Variants in CNTN6 observed in about 807,000 individuals in gnomAD.
CNTN6 encodes contactin 6.
CNTN6 carries 137 observed loss-of-function variants against 122.8 expected under a neutral mutation model. The observed-to-expected ratio is 1.12, with a 90% CI of 0.97 to 1.29. The LOEUF is 1.29. Among genes scored for constraint, CNTN6 ranks in the 50% most tolerant of loss-of-function variants. The probability of loss-of-function intolerance (pLI) is 0.00; values close to 1 mark genes in which losing one functional copy is unlikely to be tolerated. For missense variants in CNTN6, 1,634 were observed against 1,223.4 expected (o/e 1.34, Z -5.01); for synonymous variants, 570 against 426.0 (o/e 1.34, Z -4.16).
intron 1 of CNTN6, among the ~76,000 whole-genome samples, chr3:1,132,373 C>G (rs1338919469): frequency 6.6e-6 from 1 of 152,010 alleles, no homozygotes; most frequent in Non-Finnish European, 1.5e-5. Context: ...AAAGACACAC[C>G]TACTCTGGTG....
At chr3:1,390,580 T>C (rs1441198792) in intron 20 of CNTN6, among the ~76,000 whole-genome samples, 4 of 151,652 alleles carry the variant, frequency 2.6e-5, no homozygotes, top group Non-Finnish European at 5.9e-5. Context: ...CTGAAGGAAA[T>C]AGAGACACAA....
Position 1,402,339 on chromosome 3 carries a change from C to G in CNTN6, c.2839C>G (p.Gln947Glu), listed in dbSNP as rs1233057839. 2.5e-6 allele frequency: 4 copies of G among 1,608,354 alleles called. No homozygotes were observed. Among genetic ancestry groups the G allele is most frequent in the African/African-American group, 1.3e-5 (1 of 74,712 alleles). ...TCAGATTCTGTACCGGCAAAACAGA[C>G]AGAGTAAAACTCATATTTTGGAAAC... ...GYKILYRQNRQSKTHILETNN... is the reference protein window; with the variant it reads ...GYKILYRQNRESKTHILETNN... The change falls in exon 22 of 23, where the codon CAG becomes GAG. Residue 947 changes from glutamine to glutamate, a missense_variant. By Grantham distance (29) the Gln-to-Glu change is conservative. Transcript: ENST00000446702.
At chr3:1,193,625 T>C (rs2093733507) in intron 2 of CNTN6, among the ~76,000 whole-genome samples, 1 of 152,138 alleles carries the variant, frequency 6.6e-6, no homozygotes, top group Admixed American at 6.6e-5. Flanking sequence ...ACTGTTTCTC[T>C]GGGCCTCCAT....
At chr3:1,354,530 A>G (rs1319473643) in intron 12 of CNTN6, among the ~76,000 whole-genome samples, 2 of 151,486 alleles carry the variant, frequency 1.3e-5, no homozygotes, top group Non-Finnish European at 3.0e-5. Context: ...TACGAACTGT[A>G]TAACTGACTT....
chr3:1,372,066 CTA>C (rs150212501), intron 12 of CNTN6, among the ~76,000 whole-genome samples: 94 of 152,112 alleles, frequency 6.2e-4, no homozygotes, highest in African/African-American at 2.2e-3. Context: ...TTTCTGTAAA[CTA>C]TTTTCATATA....
intron 11 of CNTN6, among the ~76,000 whole-genome samples, chr3:1,351,681 T>A (rs1705663101): frequency 1.3e-5 from 2 of 151,808 alleles, no homozygotes; most frequent in Non-Finnish European, 2.9e-5. Context: ...CTTTTTGTAC[T>A]CTCTCTTTTA....
chr3:1,373,699 A>G lies in CNTN6; in HGVS notation c.1882A>G (p.Ile628Val), dbSNP rs753639393. Residue 628 changes from isoleucine (I) to valine (V), a missense_variant, in exon 15 of 23, where the codon ATT (isoleucine) becomes GTT (valine). By Grantham distance (29) the Ile-to-Val change is conservative. Transcript: ENST00000446702. ...WRAGPDNNSP[I>V]QIFTIQTRTP... is the part of the protein sequence containing the mutation. ...AGCAGGCCCAGATAATAACAGTCCC[A>G]TTCAAATATTTACTATTCAGACTCG... The G allele has an allele frequency of 1.9e-6, 3 of 1,613,138 alleles. No individual in the cohort carries two copies. The highest frequency in any genetic ancestry group is 2.5e-6 in the Non-Finnish European group (3 of 1,179,354).
At chr3:1,117,960 G>A (rs905113643) in intron 1 of CNTN6, among the ~76,000 whole-genome samples, 1 of 151,968 alleles carries the variant, frequency 6.6e-6, no homozygotes, top group Non-Finnish European at 1.5e-5. Flanking sequence ...TCCCTTCCCT[G>A]TCTCACTTTC....
intron 13 of CNTN6, 122 bp downstream of exon 13, chr3:1,372,596 G>T: frequency 1.1e-6 from 1 of 888,710 alleles, no homozygotes; most frequent in African/African-American, 1.7e-5. Context: ...TGTTTTTGAA[G>T]CTACATTTGT....
At chr3:1,388,165 T>C (rs139003945) in intron 20 of CNTN6, among the ~76,000 whole-genome samples, 4,715 of 151,590 alleles carry the variant, frequency 0.031, 116 homozygotes, top group South Asian at 0.055. Context: ...TGTCCCTGTC[T>C]GACAGCTTTG....
At chr3:1,166,131 C>A (rs1039027858) in intron 2 of CNTN6, among the ~76,000 whole-genome samples, 1 of 152,192 alleles carries the variant, frequency 6.6e-6, no homozygotes, top group African/African-American at 2.4e-5. Flanking sequence ...AGCTCATTGG[C>A]ATCAACTGTT....
At chr3:1,368,432 GTA>G (rs1210670566) in intron 12 of CNTN6, among the ~76,000 whole-genome samples, 58 of 152,278 alleles carry the variant, frequency 3.8e-4, no homozygotes, top group African/African-American at 1.3e-3. Flanking sequence ...ATATTTCAGT[GTA>G]TAATTCATCA....
chr3:1,373,439 C>T (rs1384756427), intron 14 of CNTN6, among the ~76,000 whole-genome samples, 165 bp from the exon 15 acceptor site: 3 of 151,978 alleles, frequency 2.0e-5, no homozygotes, highest in East Asian at 1.9e-4. Context: ...TGTCATTTAC[C>T]ATGTAAAGGG....
chr3:1,113,689 G>A (rs1185464418), intron 1 of CNTN6, among the ~76,000 whole-genome samples: 1 of 152,166 alleles, frequency 6.6e-6, no homozygotes, highest in Non-Finnish European at 1.5e-5. Flanking sequence ...GACTCAGGTA[G>A]TTAGGATGTG....
Position 1,372,327 on chromosome 3 carries a change from C to T in CNTN6, c.1521C>T (p.Ser507=). ...GAACTGTCATTACCGTCCCACCTTCCAAAATGGATGTTACAGTTGGCGAGA... is the reference window on the plus strand; with the variant it reads ...GAACTGTCATTACCGTCCCACCTTCTAAAATGGATGTTACAGTTGGCGAGA... ...KERTVITVPP[S]KMDVTVGESI... The change falls in exon 13 of 23, where the codon TCC becomes TCT. Residue 507 remains serine (S), a synonymous_variant. Coordinates refer to ENST00000446702, the MANE Select transcript of CNTN6 (RefSeq NM_001289080.2). 6.2e-7 allele frequency: 1 copy of T among 1,610,200 alleles called. No individual in the cohort carries two copies. Among genetic ancestry groups the T allele is most frequent in the South Asian group, 1.1e-5 (1 of 90,470 alleles).
chr3:1,125,782 C>T (rs1027735661), intron 1 of CNTN6, among the ~76,000 whole-genome samples: 7 of 151,432 alleles, frequency 4.6e-5, no homozygotes, highest in African/African-American at 9.7e-5. Context: ...ATCAAAGTAC[C>T]GGTAATATAT....
chr3:1,102,999 G>A (rs892304571), intron 1 of CNTN6, among the ~76,000 whole-genome samples: 11 of 151,222 alleles, frequency 7.3e-5, no homozygotes, highest in South Asian at 4.2e-4. Flanking sequence ...CCAGCTACTC[G>A]GGAGGCTGAG....
In CNTN6 at chr3:1,327,566, A is replaced by G; in HGVS notation, c.1193A>G (p.Asn398Ser). The stretch of plus-strand genomic sequence containing the variant: ...AACAAATATCAGATAATTTATGCAA[A>G]TGCTGAATTGAGAGTTTTAGGTAAG... ...AENKYQIIYA[N>S]AELRVLASAP... Residue 398 changes from asparagine (N) to serine (S), a missense_variant, in exon 10 of 23, where the codon AAT becomes AGT. Transcript: ENST00000446702. 1 of 1,610,238 alleles carries G rather than the reference A, an allele frequency of 6.2e-7. No homozygotes were observed. The highest frequency in any genetic ancestry group is 8.5e-7 in the Non-Finnish European group (1 of 1,177,798).
At chr3:1,226,455 TC>T (rs1319007376) in intron 3 of CNTN6, among the ~76,000 whole-genome samples, 2 of 152,112 alleles carry the variant, frequency 1.3e-5, no homozygotes, top group African/African-American at 2.4e-5. Flanking sequence ...CACCTTCCCC[TC>T]ACTCTTCTTC....
Sources: allele counts gnomAD v4.1 joint callset (sites outside exome capture counted in the v4.1 genomes callset), GRCh38; gene constraint gnomAD v4.1.1; transcripts MANE v1.5; gene names NCBI Gene and HGNC (gene_info 2026-07-23, HGNC 2026-07-21).